SULF1: variants seen among roughly 807,000 people sequenced by gnomAD.
SULF1 encodes the protein sulfatase 1.
In SULF1, 46 loss-of-function variants were observed where a neutral mutation model predicts 110.5. The observed-to-expected ratio is 0.42, with a 90% CI of 0.33 to 0.53. The LOEUF is 0.53. Among genes scored for constraint, SULF1 ranks in the 20% least tolerant of loss-of-function variants. SULF1 has a pLI of 0.12. For missense variants in SULF1, 941 were observed against 1,094.2 expected, an observed-to-expected ratio of 0.86 and a Z score of 1.98; for synonymous variants, 371 against 387.1, an observed-to-expected ratio of 0.96 and a Z score of 0.49.
In SULF1 at chr8:69,564,107, C is replaced by T; in HGVS notation, c.132C>T (p.Asn44=). ...IQQERKNIRP[N]IILVLTDDQD... is the part of the protein sequence containing the mutation. ...AGGAACGAAAAAACATCCGACCCAA[C>T]ATTATTCTTGTGCTTACCGATGATC... Residue 44 remains asparagine (N), a synonymous_variant, in exon 5 of 23, where the codon AAC becomes AAT. Transcript: ENST00000402687. The T allele has an allele frequency of 6.2e-7, 1 of 1,614,174 alleles. No homozygotes were observed. Among genetic ancestry groups the T allele is most frequent in the Non-Finnish European group, 8.5e-7 (1 of 1,180,034 alleles).
rs373439230 is a variant in SULF1, at chr8:69,621,260, C to T, written c.1594+9C>T. ...AAACCAGGGGACTCCAAGTAAGCCA[C>T]GCTTTTGTGACCATCTCAATGGTGG... On this transcript the variant is annotated intron_variant, in intron 14 of 22. Coordinates refer to ENST00000402687, the MANE Select transcript of SULF1 (RefSeq NM_001128205.2). The T allele has an allele frequency of 3.5e-5, 57 of 1,606,458 alleles. No individual in the cohort carries two copies. The highest frequency in any genetic ancestry group is 2.0e-5 in the Non-Finnish European group (23 of 1,175,520).
intron 20 of SULF1, 43 bp downstream of exon 20, chr8:69,638,687 G>C: frequency 1.1e-5 from 18 of 1,612,866 alleles, no homozygotes; most frequent in Non-Finnish European, 1.5e-5. Flanking sequence ...GTTGAAAATA[G>C]GATAACCAGA....
At chr8:69,508,603 T>C (rs1784856636) in intron 3 of SULF1, among the ~76,000 whole-genome samples, 1 of 152,194 alleles carries the variant, frequency 6.6e-6, no homozygotes, top group South Asian at 2.1e-4. Context: ...TTAAGCAAAT[T>C]CATTATTTAC....
intron 3 of SULF1, among the ~76,000 whole-genome samples, chr8:69,539,371 GA>G (rs1813703748): frequency 6.6e-6 from 1 of 152,194 alleles, no homozygotes; most frequent in South Asian, 2.1e-4. Flanking sequence ...CATGTTATTT[GA>G]AAAAGACATT....
intron 12 of SULF1, among the ~76,000 whole-genome samples, chr8:69,604,320 G>A (rs1280568214): frequency 1.3e-5 from 2 of 151,944 alleles, no homozygotes; most frequent in African/African-American, 2.4e-5. Flanking sequence ...AGCCTCACCC[G>A]GCACCCTTCT....
chr8:69,591,583 AG>A lies in SULF1; in HGVS notation c.734+2443del, dbSNP rs1158699994. Among the ~76,000 whole-genome samples, 8 of 151,816 alleles carry A rather than the reference AG, an allele frequency of 5.3e-5. No homozygotes were observed. The East Asian group carries it at 1.2e-3, about 22-fold the overall frequency. ...TGTCTTAAAAAAAAAAACAAAGAAA[AG>A]AAAAGAAAAACATCTCTGATTCCAG... is the stretch of plus-strand genomic sequence containing the variant. On this transcript the variant is annotated intron_variant, in intron 8 of 22. Coordinates refer to ENST00000402687, the MANE Select transcript of SULF1 (RefSeq NM_001128205.2).
At chr8:69,554,979 AAAAAAAAAAAAAAAAAAAAC>A (rs1288452214) in intron 3 of SULF1, among the ~76,000 whole-genome samples, 1 of 15,756 alleles carries the variant, frequency 6.3e-5, no homozygotes, top group African/African-American at 1.5e-4. Flanking sequence ...ATTCCATCTC[AAAAAAAAAAAAAAAAAAAAC>A]AAAAAAAAAA....
At chr8:69,617,500 C>T (rs1176211054) in intron 13 of SULF1, among the ~76,000 whole-genome samples, 1 of 144,742 alleles carries the variant, frequency 6.9e-6, no homozygotes, top group Non-Finnish European at 1.5e-5. Context: ...AACTCCTGGG[C>T]TCAAGCAATC....
chr8:69,546,315 A>G (rs1197860431), intron 3 of SULF1, among the ~76,000 whole-genome samples: 2 of 152,220 alleles, frequency 1.3e-5, no homozygotes, highest in African/African-American at 4.8e-5. Flanking sequence ...GACAAAATAA[A>G]GTTGTGCCTT....
At chr8:69,525,352 A>G (rs1411999528) in intron 3 of SULF1, among the ~76,000 whole-genome samples, 1 of 152,148 alleles carries the variant, frequency 6.6e-6, no homozygotes, top group Non-Finnish European at 1.5e-5. Context: ...TTGGAATAAA[A>G]TAGAGAAACA....
chr8:69,660,834 A>G lies in SULF1; in HGVS notation c.*2299A>G, dbSNP rs1309778523. The stretch of plus-strand genomic sequence containing the variant: ...GTTTTTTAATCATGTATAATATTCC[A>G]TGATACTTTTATAGAACAATTCTGG... On this transcript the variant is annotated 3_prime_UTR_variant, in exon 23 of 23. Coordinates refer to ENST00000402687, the MANE Select transcript of SULF1 (RefSeq NM_001128205.2). The G allele has an allele frequency of 1.3e-5, 2 of 152,680 alleles. No individual in the cohort carries two copies. The highest frequency in any genetic ancestry group is 2.4e-5 in the African/African-American group (1 of 41,472). The allele number at this position is 152,680 out of a possible 1,614,324, so 9.5% of individuals were successfully genotyped here. A position where few individuals can be genotyped will look rare whatever the true frequency, so the allele number is the denominator to read the frequency against.
intron 3 of SULF1, among the ~76,000 whole-genome samples, chr8:69,531,498 GA>G (rs5892199): frequency 0.081 from 12,254 of 151,960 alleles, 995 homozygotes; most frequent in East Asian, 0.41. Flanking sequence ...TGCTGGTGGA[GA>G]AAAAAATAAA....
At chr8:69,514,105 A>G (rs2150596114) in intron 3 of SULF1, among the ~76,000 whole-genome samples, 1 of 152,282 alleles carries the variant, frequency 6.6e-6, no homozygotes, top group South Asian at 2.1e-4. Flanking sequence ...ACTGAACTCT[A>G]AGATTATGCT....
intron 7 of SULF1, 57 bp downstream of exon 7, chr8:69,586,565 G>A (rs1203413886): frequency 3.9e-6 from 6 of 1,554,318 alleles, no homozygotes; most frequent in South Asian, 3.6e-5. Context: ...ATGGGGAAAA[G>A]CCATTTTCAG....
At chr8:69,595,648 T>C (rs964806698) in intron 8 of SULF1, among the ~76,000 whole-genome samples, 8 of 152,230 alleles carry the variant, frequency 5.3e-5, no homozygotes, top group Non-Finnish European at 1.2e-4. Context: ...GAAGTCTTAT[T>C]TCATTTCTCA....
At chr8:69,639,518 T>C (rs1376287230) in intron 21 of SULF1, among the ~76,000 whole-genome samples, 1 of 152,210 alleles carries the variant, frequency 6.6e-6, no homozygotes. Flanking sequence ...AGCTCTTTTC[T>C]GGTTAATGAA....
intron 3 of SULF1, among the ~76,000 whole-genome samples, chr8:69,524,428 G>A (rs1039988399): frequency 3.9e-5 from 6 of 152,114 alleles, no homozygotes. Flanking sequence ...AAGCAAGAGA[G>A]TGAGCGGTGA....
chr8:69,657,668 C>A (rs1812828974), intron 22 of SULF1, among the ~76,000 whole-genome samples: 1 of 152,272 alleles, frequency 6.6e-6, no homozygotes, highest in African/African-American at 2.4e-5. Context: ...TCTAGCTAGA[C>A]CGAGGTTGTG....
chr8:69,537,594 C>T (rs1423453140), intron 3 of SULF1, among the ~76,000 whole-genome samples: 1 of 152,178 alleles, frequency 6.6e-6, no homozygotes, highest in African/African-American at 2.4e-5. Context: ...GGGATTCGTC[C>T]TCATGACTAA....
Sources: allele counts gnomAD v4.1 joint callset (sites outside exome capture counted in the v4.1 genomes callset), GRCh38; gene constraint gnomAD v4.1.1; transcripts MANE v1.5; gene names NCBI Gene and HGNC (gene_info 2026-07-23, HGNC 2026-07-21).